ILRUN: variants seen among roughly 807,000 people sequenced by gnomAD.
ILRUN encodes protein ILRUN.
Under a neutral mutation model 33.8 loss-of-function variants are expected in ILRUN, and 3 were observed. That is an observed-to-expected ratio of 0.09 (90% CI 0.04 to 0.23). The LOEUF is 0.23. ILRUN is among the 10% of genes least tolerant of loss of function. The pLI is 1.00. For missense variants in ILRUN, 210 were observed against 375.1 expected, an observed-to-expected ratio of 0.56 and a Z score of 3.64; for synonymous variants, 124 against 138.9, an observed-to-expected ratio of 0.89 and a Z score of 0.75.
At chr6:34,656,027 GT>G (rs747234298) in intron 1 of ILRUN, among the ~76,000 whole-genome samples, 2 of 152,116 alleles carry the variant, frequency 1.3e-5, no homozygotes, top group African/African-American at 2.4e-5. Context: ...GGGGTCAGGA[GT>G]TCAAGATCAG....
chr6:34,622,102 A>G (rs1175739535), intron 3 of ILRUN, among the ~76,000 whole-genome samples: 1 of 152,198 alleles, frequency 6.6e-6, no homozygotes, highest in Non-Finnish European at 1.5e-5. Context: ...TTAACTCAAA[A>G]TGGATCAAAG....
intron 4 of ILRUN, among the ~76,000 whole-genome samples, chr6:34,595,448 T>C (rs1761382182): frequency 6.6e-6 from 1 of 152,110 alleles, no homozygotes; most frequent in African/African-American, 2.4e-5. Context: ...ATCAGAAGAG[T>C]AGGCTGCCCT....
At chr6:34,645,726 A>G (rs1324746982) in intron 3 of ILRUN, among the ~76,000 whole-genome samples, 1 of 152,196 alleles carries the variant, frequency 6.6e-6, no homozygotes, top group East Asian at 1.9e-4. Context: ...GAGTTAAAAC[A>G]TGGGTGTGGG....
chr6:34,689,458 A>T (rs1210804462), intron 1 of ILRUN, among the ~76,000 whole-genome samples: 1 of 152,210 alleles, frequency 6.6e-6, no homozygotes, highest in African/African-American at 2.4e-5. Flanking sequence ...AAAACCTTTT[A>T]AAAAATGTAA....
rs2127304560 is a variant in ILRUN, at chr6:34,590,113, C to T, written c.*452G>A. On this transcript the variant is annotated 3_prime_UTR_variant, in exon 5 of 5. Transcript: ENST00000374023. Reference sequence around the variant, plus strand: ...ACCTGAATCTCTTCCAGAACAAGCACTATTCTATAAAGAATATGTTATCCC... The same window carrying T: ...ACCTGAATCTCTTCCAGAACAAGCATTATTCTATAAAGAATATGTTATCCC... 6.2e-6 allele frequency: 1 copy of T among 161,824 alleles called. No individual in the cohort carries two copies. Among genetic ancestry groups the T allele is most frequent in the East Asian group, 1.7e-4 (1 of 6,038 alleles). The allele number at this position is 161,824 out of a possible 1,614,324, so 10.0% of individuals were successfully genotyped here. A position where few individuals can be genotyped will look rare whatever the true frequency, so the allele number is the denominator to read the frequency against.
intron 1 of ILRUN, among the ~76,000 whole-genome samples, chr6:34,685,987 CA>C (rs1763507765): frequency 6.6e-6 from 1 of 151,942 alleles, no homozygotes; most frequent in Non-Finnish European, 1.5e-5. Flanking sequence ...TAGCAGAAAA[CA>C]AAGGGATAAA....
At chr6:34,603,241 G>T (rs766756174) in intron 4 of ILRUN, among the ~76,000 whole-genome samples, 1 of 152,152 alleles carries the variant, frequency 6.6e-6, no homozygotes, top group African/African-American at 2.4e-5. Context: ...AGCCGGGCAC[G>T]GTGGCTCACA....
rs926319151 is a variant in ILRUN, at chr6:34,673,336, A to G, written c.159-18557T>C. On this transcript the variant is annotated intron_variant, in intron 1 of 4. Transcript: ENST00000374023. ...GGTAGGTCCAACGTTCTAGAAAAGAATTCTTCAAAAAGATAAAACTGACAG... is the reference window on the plus strand; with the variant it reads ...GGTAGGTCCAACGTTCTAGAAAAGAGTTCTTCAAAAAGATAAAACTGACAG... Among the ~76,000 whole-genome samples the G allele has an allele frequency of 7.9e-5, 12 of 152,198 alleles. 1 individual carries two copies. Among genetic ancestry groups the G allele is most frequent in the Admixed American group, 5.9e-4 (9 of 15,272 alleles).
chr6:34,668,803 A>G (rs1467497945), intron 1 of ILRUN, among the ~76,000 whole-genome samples: 7 of 151,540 alleles, frequency 4.6e-5, no homozygotes, highest in Admixed American at 2.0e-4. Flanking sequence ...CCTCCCAAGT[A>G]GCTGGGACTA....
At chr6:34,612,818 G>A (rs557141361) in intron 3 of ILRUN, among the ~76,000 whole-genome samples, 39 of 152,214 alleles carry the variant, frequency 2.6e-4, no homozygotes, top group Admixed American at 2.4e-3. Flanking sequence ...CAAGGCGGGC[G>A]GATCATGAGG....
At chr6:34,643,809 T>A (rs1308945592) in intron 3 of ILRUN, among the ~76,000 whole-genome samples, 1 of 152,214 alleles carries the variant, frequency 6.6e-6, no homozygotes. Flanking sequence ...TTCAAACAAT[T>A]CTCCTGCCTC....
intron 1 of ILRUN, among the ~76,000 whole-genome samples, chr6:34,691,754 C>T (rs1763655292): frequency 6.6e-6 from 1 of 151,876 alleles, no homozygotes; most frequent in Admixed American, 6.6e-5. Flanking sequence ...CAAGATCGCA[C>T]CACTGCACTC....
intron 1 of ILRUN, among the ~76,000 whole-genome samples, chr6:34,670,838 C>A (rs1763101992): frequency 7.3e-6 from 1 of 136,978 alleles, no homozygotes; most frequent in Admixed American, 7.6e-5. Flanking sequence ...GAGTGAGACC[C>A]TGTCTCAAAA....
At chr6:34,614,652 C>A (rs758359262) in intron 3 of ILRUN, among the ~76,000 whole-genome samples, 16 of 151,554 alleles carry the variant, frequency 1.1e-4, no homozygotes, top group Non-Finnish European at 2.1e-4. Flanking sequence ...ATCTCCCATT[C>A]CCTCCTTGAG....
At chr6:34,688,238 G>C (rs1402022009) in intron 1 of ILRUN, among the ~76,000 whole-genome samples, 1 of 151,500 alleles carries the variant, frequency 6.6e-6, no homozygotes, top group African/African-American at 2.4e-5. Flanking sequence ...AATCCTGTCT[G>C]TACAAAAAGC....
At chr6:34,662,124 CAAAAAA>C (rs57423564) in intron 1 of ILRUN, among the ~76,000 whole-genome samples, 188 of 39,878 alleles carry the variant, frequency 4.7e-3, no homozygotes, top group African/African-American at 5.5e-3. Flanking sequence ...GACTCCGTCT[CAAAAAA>C]AAAAAAAAAA....
chr6:34,643,870 T>G (rs889478229), intron 3 of ILRUN, among the ~76,000 whole-genome samples: 4 of 152,112 alleles, frequency 2.6e-5, no homozygotes, highest in African/African-American at 4.8e-5. Context: ...CCCGGCTAAT[T>G]TTTGTATTTT....
At chr6:34,598,350 G>A (rs1761444026) in intron 4 of ILRUN, among the ~76,000 whole-genome samples, 1 of 152,138 alleles carries the variant, frequency 6.6e-6, no homozygotes, top group Admixed American at 6.6e-5. Context: ...TGGTCCTGCT[G>A]GTATACAATT....
chr6:34,625,367 C>G (rs1465861518), intron 3 of ILRUN, among the ~76,000 whole-genome samples: 1 of 152,158 alleles, frequency 6.6e-6, no homozygotes, highest in Admixed American at 6.6e-5. Flanking sequence ...CTGAGTAGGT[C>G]TATCAACATC....
Sources: allele counts gnomAD v4.1 joint callset (sites outside exome capture counted in the v4.1 genomes callset), GRCh38; gene constraint gnomAD v4.1.1; transcripts MANE v1.5; gene names NCBI Gene and HGNC (gene_info 2026-07-23, HGNC 2026-07-21).